The following HK1 variants were observed in gnomAD, a reference collection of about 807,000 sequenced individuals.
The protein encoded by HK1 is hexokinase 1.
A neutral mutation model predicts 91.6 loss-of-function variants in HK1; 28 were observed. The ratio of observed to expected loss-of-function variants is 0.31; its 90% CI spans 0.23 to 0.42. The LOEUF is 0.42. HK1 is among the 10% of genes least tolerant of loss of function. The probability of loss-of-function intolerance (pLI) is 1.00; values close to 1 mark genes in which losing one functional copy is unlikely to be tolerated. For synonymous variants in HK1, 430 were observed against 468.1 expected (o/e 0.92, Z 1.05); for missense variants, 770 against 1,219.8 (o/e 0.63, Z 5.49).
At chr10:69,381,606 C>CGGAGTG (rs1478148560) in intron 9 of HK1, among the ~76,000 whole-genome samples, 2 of 142,314 alleles carry the variant, frequency 1.4e-5, no homozygotes, top group Non-Finnish European at 3.0e-5. Context: ...TGGAGTGGAG[C>CGGAGTG]GGAGTGGTGT....
At chr10:69,271,898 C>G (rs1379050438) in intron 1 of HK1, among the ~76,000 whole-genome samples, 1 of 151,658 alleles carries the variant, frequency 6.6e-6, no homozygotes, top group Non-Finnish European at 1.5e-5. Context: ...GAGTTTTGCT[C>G]TGTTGCCCAG....
intron 7 of HK1, among the ~76,000 whole-genome samples, chr10:69,375,507 G>T (rs573176181): frequency 6.6e-6 from 1 of 152,164 alleles, no homozygotes; most frequent in Non-Finnish European, 1.5e-5. Flanking sequence ...AGGCGGTCAC[G>T]TCTGGTTCTG....
In HK1 at chr10:69,384,909, G is replaced by T. The variant is rs1347893162; in HGVS notation, c.1833G>T (p.Leu611=). The T allele has an allele frequency of 3.1e-6, 5 of 1,614,222 alleles. No individual in the cohort carries two copies. The highest frequency in any genetic ancestry group is 4.2e-6 in the Non-Finnish European group (5 of 1,180,042). Residue 611 remains leucine, a synonymous_variant, in exon 12 of 18, where the codon CTG becomes CTT. Coordinates refer to ENST00000359426, the MANE Select transcript of HK1 (RefSeq NM_000188.3). The part of the protein sequence containing the change: ...TFSFPCQQTS[L]DAGILITWTK... ...CATTTCCCTGCCAGCAGACGAGTCT[G>T]GACGCGGTGAGTCTCTGTTCTTAGG...
intron 4 of HK1, among the ~76,000 whole-genome samples, chr10:69,367,845 C>A (rs181642126): frequency 2.6e-5 from 4 of 152,284 alleles, no homozygotes; most frequent in East Asian, 3.9e-4. Context: ...AAAGCAAAAG[C>A]AATATGTAAA....
chr10:69,273,484 A>G (rs2394535), intron 1 of HK1, among the ~76,000 whole-genome samples: 104,168 of 152,110 alleles, frequency 0.68, 36,788 homozygotes, highest in East Asian at 0.92. Context: ...CCAAAGTGCT[A>G]GGATTACAGG....
At chr10:69,361,532 ACT>A (rs1188550953) in intron 3 of HK1, among the ~76,000 whole-genome samples, 1 of 152,050 alleles carries the variant, frequency 6.6e-6, no homozygotes, top group Non-Finnish European at 1.5e-5. Flanking sequence ...CAACACTGAG[ACT>A]CACCCTGTGC....
At chr10:69,305,880 AAC>A (rs1442733528) in intron 5 of HK1, among the ~76,000 whole-genome samples, 20 of 31,176 alleles carry the variant, frequency 6.4e-4, no homozygotes, top group African/African-American at 1.3e-3. Context: ...AAACAAAAAA[AAC>A]AACAAAAAAA....
chr10:69,297,171 T>C (rs796305737), intron 4 of HK1, among the ~76,000 whole-genome samples: 4 of 152,376 alleles, frequency 2.6e-5, no homozygotes, highest in African/African-American at 9.6e-5. Flanking sequence ...TTGTATGTTT[T>C]ATATACTATA....
intron 11 of HK1, 97 bp downstream of exon 11, chr10:69,384,578 G>A (rs1839543166): frequency 6.6e-7 from 1 of 1,519,508 alleles, no homozygotes; most frequent in African/African-American, 1.4e-5. Flanking sequence ...GTGCCCACAT[G>A]GATTTGTGTC....
chr10:69,361,528 T>C (rs557076538), intron 3 of HK1, among the ~76,000 whole-genome samples: 1 of 152,382 alleles, frequency 6.6e-6, no homozygotes, highest in South Asian at 2.1e-4. Context: ...CATTCAACAC[T>C]GAGACTCACC....
chr10:69,293,331 C>A (rs976261389), intron 3 of HK1, among the ~76,000 whole-genome samples: 1 of 152,152 alleles, frequency 6.6e-6, no homozygotes, highest in Admixed American at 6.5e-5. Context: ...TCCAATAGGT[C>A]TAGGTTTCCT....
rs1846819773 is a variant in HK1, at chr10:69,318,847, G to A, written c.-101G>A. ...GGGGGAGGAGCCGGGGGAGGAGGAG[G>A]AGGAGGAGCCGCCGAGCAGCCGCCG... On this transcript the variant is annotated 5_prime_UTR_variant, in exon 1 of 18. Transcript: ENST00000359426. 1 of 1,488,134 alleles carries A rather than the reference G, an allele frequency of 6.7e-7. No individual in the cohort carries two copies. Among genetic ancestry groups the A allele is most frequent in the Non-Finnish European group, 8.9e-7 (1 of 1,120,610 alleles). 92.2% of individuals were successfully genotyped at this position (1,488,134 alleles called of 1,614,324 possible).
chr10:69,340,563 T>A (rs1288725466), intron 1 of HK1, among the ~76,000 whole-genome samples: 1 of 152,206 alleles, frequency 6.6e-6, no homozygotes, highest in Non-Finnish European at 1.5e-5. Context: ...AAATTAAAAT[T>A]AAAAAATATT....
At chr10:69,271,411 T>C (rs1444013795) in intron 1 of HK1, among the ~76,000 whole-genome samples, 1 of 152,112 alleles carries the variant, frequency 6.6e-6, no homozygotes, top group East Asian at 1.9e-4. Context: ...AATACATGCA[T>C]GTATTTATTA....
intron 1 of HK1, among the ~76,000 whole-genome samples, chr10:69,324,923 CA>C (rs1847242364): frequency 6.6e-6 from 1 of 151,800 alleles, no homozygotes; most frequent in African/African-American, 2.4e-5. Flanking sequence ...AAAAATTTTA[CA>C]GTTTGATTGG....
At chr10:69,270,995 C>A (rs764417742) in intron 1 of HK1, 15 of 152,194 alleles carry the variant, frequency 9.9e-5, no homozygotes, top group Non-Finnish European at 1.9e-4. Context: ...GGGGCTCGAT[C>A]CTTATACACA....
At chr10:69,394,456 G>T (rs1183548181) in intron 15 of HK1, among the ~76,000 whole-genome samples, 1 of 152,152 alleles carries the variant, frequency 6.6e-6, no homozygotes, top group East Asian at 1.9e-4. Flanking sequence ...TTTCCTGAGG[G>T]CCCAGTGCTA....
intron 3 of HK1, among the ~76,000 whole-genome samples, chr10:69,291,576 C>T (rs984652064): frequency 1.3e-5 from 2 of 152,142 alleles, no homozygotes; most frequent in Non-Finnish European, 2.9e-5. Flanking sequence ...TACAGCTGGT[C>T]CTGGCAGATC....
chr10:69,276,138 T>TATATATATATATATACACAC (rs753204633), intron 1 of HK1, among the ~76,000 whole-genome samples: 1 of 76,458 alleles, frequency 1.3e-5, no homozygotes. Flanking sequence ...TATATATATA[T>TATATATATATATATACACAC]ACACATATAT....
Sources: gnomAD v4.1 joint callset for allele counts (sites outside exome capture counted in the v4.1 genomes callset) on GRCh38, gnomAD v4.1.1 for gene constraint, MANE v1.5 for transcripts, NCBI Gene and HGNC (gene_info 2026-07-23, HGNC 2026-07-21) for gene names.